TRAT1: variants seen among roughly 807,000 people sequenced by gnomAD.
The protein encoded by TRAT1 is T-cell receptor-associated transmembrane adapter 1.
Under a neutral mutation model 20.0 loss-of-function variants are expected in TRAT1, and 20 were observed. That is an observed-to-expected ratio of 1.00 (90% CI 0.70 to 1.45). The LOEUF (loss-of-function observed/expected upper bound fraction) is 1.45, where lower values mean the gene tolerates loss of function less well. Among genes scored for constraint, TRAT1 ranks in the 40% most tolerant of loss-of-function variants. TRAT1 has a pLI of 0.00. For missense variants in TRAT1, 237 were observed against 224.1 expected (o/e 1.06, Z -0.37); for synonymous variants, 77 against 74.2 (o/e 1.04, Z -0.20).
chr3:108,841,751 T>C (rs1576522422), intron 3 of TRAT1, among the ~76,000 whole-genome samples: 1 of 152,126 alleles, frequency 6.6e-6, no homozygotes, highest in East Asian at 1.9e-4. Flanking sequence ...AGCACCTAAA[T>C]CAAGCAGAAA....
intron 2 of TRAT1, among the ~76,000 whole-genome samples, chr3:108,836,455 C>T (rs1304386723): frequency 1.3e-5 from 2 of 151,992 alleles, no homozygotes; most frequent in Non-Finnish European, 2.9e-5. Context: ...CAGCTGGTGA[C>T]TATCCTTTTG....
intron 3 of TRAT1, among the ~76,000 whole-genome samples, chr3:108,845,256 G>A (rs1457928692): frequency 6.6e-6 from 1 of 152,116 alleles, no homozygotes; most frequent in African/African-American, 2.4e-5. Flanking sequence ...CATTTGAGAT[G>A]GGCCTGTAGA....
chr3:108,844,924 T>C (rs919648850), intron 3 of TRAT1, among the ~76,000 whole-genome samples: 5 of 150,222 alleles, frequency 3.3e-5, no homozygotes, highest in African/African-American at 1.2e-4. Flanking sequence ...GTAATAGATA[T>C]AATTAATATA....
In TRAT1 at chr3:108,838,969, T is replaced by C; in HGVS notation, c.152+2T>C. On this transcript the variant is annotated splice_donor_variant, in intron 3 of 5. Transcript: ENST00000295756. LOFTEE classifies it high-confidence loss of function. ...CAGCTACTCCAGTGACCACACCAGG[T>C]ATGTTGTGATTCAGTCATGGATCAT... 6.2e-7 allele frequency: 1 copy of C among 1,603,176 alleles called. No individual in the cohort carries two copies.
intron 1 of TRAT1, among the ~76,000 whole-genome samples, chr3:108,827,463 T>C (rs1945752286): frequency 6.6e-6 from 1 of 151,342 alleles, no homozygotes; most frequent in African/African-American, 2.4e-5. Flanking sequence ...ATTTCCATCA[T>C]TATCTACTTA....
chr3:108,846,944 TG>T, intron 3 of TRAT1, 123 bp from the exon 4 acceptor site: 1 of 661,174 alleles, frequency 1.5e-6, no homozygotes, highest in Admixed American at 2.8e-5. Context: ...ACACCTACCG[TG>T]GTTGGCTGGG....
chr3:108,829,229 C>T (rs1182623736), intron 1 of TRAT1, among the ~76,000 whole-genome samples: 1 of 152,088 alleles, frequency 6.6e-6, no homozygotes, highest in African/African-American at 2.4e-5. Context: ...CTGTTCTATA[C>T]TATATTATGT....
Position 108,853,930 on chromosome 3 carries a change from G to A in TRAT1, c.*53G>A, listed in dbSNP as rs867959361. 5.7e-6 allele frequency: 9 copies of A among 1,572,094 alleles called. No homozygotes were observed. The highest frequency in any genetic ancestry group is 7.0e-6 in the Non-Finnish European group (8 of 1,149,032). On this transcript the variant is annotated 3_prime_UTR_variant, in exon 6 of 6. Coordinates refer to ENST00000295756, the MANE Select transcript of TRAT1 (RefSeq NM_016388.4). ...GGCTCCTATTGAAGATGGCTTCTAA[G>A]AAAACAAGATGCACAGAGGACACAG... is the stretch of plus-strand genomic sequence containing the variant.
At chr3:108,844,808 C>G (rs1464586949) in intron 3 of TRAT1, among the ~76,000 whole-genome samples, 1 of 126,738 alleles carries the variant, frequency 7.9e-6, no homozygotes, top group Non-Finnish European at 1.6e-5. Flanking sequence ...TGCGCCACTG[C>G]ACTCCAGCCT....
chr3:108,839,966 A>T (rs1346473330), intron 3 of TRAT1, among the ~76,000 whole-genome samples: 1 of 152,162 alleles, frequency 6.6e-6, no homozygotes, highest in African/African-American at 2.4e-5. Context: ...GGTAAAAAAA[A>T]AAATCTAAAT....
chr3:108,849,314 A>G, intron 5 of TRAT1, 60 bp downstream of exon 5: 1 of 1,381,786 alleles, frequency 7.2e-7, no homozygotes, highest in Non-Finnish European at 1.0e-6. Flanking sequence ...GTAGTACATT[A>G]TGATACACAT....
intron 3 of TRAT1, among the ~76,000 whole-genome samples, chr3:108,842,815 T>G (rs968638007): frequency 6.6e-6 from 1 of 152,200 alleles, no homozygotes; most frequent in Non-Finnish European, 1.5e-5. Context: ...GTGAGCTCAT[T>G]GTGCTTAACA....
At chr3:108,832,002 G>A (rs576846856) in intron 2 of TRAT1, among the ~76,000 whole-genome samples, 1 of 152,228 alleles carries the variant, frequency 6.6e-6, no homozygotes, top group South Asian at 2.1e-4. Flanking sequence ...AAATGTCATA[G>A]AGCTAATTTA....
At position 108,850,579 on chromosome 3, in the gene TRAT1, C is replaced by G. The variant is rs562880958; in HGVS notation, c.303+1325C>G. ...TCGGCCTCCCAAAGTGCTGGGATTA[C>G]AGGCATGAGCCATCGTGCCCAGCTG... On this transcript the variant is annotated intron_variant, in intron 5 of 5. Transcript: ENST00000295756. Among the ~76,000 whole-genome samples the G allele has an allele frequency of 6.6e-5, 10 of 152,274 alleles. No individual in the cohort carries two copies. In the East Asian group the frequency reaches 1.7e-3, roughly 26 times the overall value.
At chr3:108,832,937 A>G (rs911885113) in intron 2 of TRAT1, among the ~76,000 whole-genome samples, 2 of 152,194 alleles carry the variant, frequency 1.3e-5, no homozygotes, top group African/African-American at 4.8e-5. Context: ...TCTGCCCCAG[A>G]AGTATTCAGC....
At chr3:108,828,880 T>C (rs1020827616) in intron 1 of TRAT1, among the ~76,000 whole-genome samples, 1 of 140,232 alleles carries the variant, frequency 7.1e-6, no homozygotes, top group Non-Finnish European at 1.6e-5. Context: ...TTTGAAAACA[T>C]AACTGGGACA....
intron 5 of TRAT1, among the ~76,000 whole-genome samples, chr3:108,852,211 T>C (rs1175405137): frequency 1.3e-5 from 2 of 152,062 alleles, no homozygotes; most frequent in Admixed American, 1.3e-4. Flanking sequence ...CGAAACTCCG[T>C]CTCTACTAAA....
chr3:108,852,317 G>A (rs987574040), intron 5 of TRAT1, among the ~76,000 whole-genome samples: 2 of 151,972 alleles, frequency 1.3e-5, no homozygotes, highest in Non-Finnish European at 2.9e-5. Context: ...GGAGGCAGAG[G>A]TTGCAGTGAG....
In TRAT1 at chr3:108,822,829, T is replaced by C; in HGVS notation, c.-99T>C. ...TTTTACTGTCATGCTGCTTTTAACA[T>C]AACAGAGCAACATCACCTAGGAAAA... is the stretch of plus-strand genomic sequence containing the variant. On this transcript the variant is annotated 5_prime_UTR_variant, in exon 1 of 6. It removes the in-frame stop codon of an upstream open reading frame in the 5' UTR. Transcript: ENST00000295756. 6 of 994,514 alleles carry C rather than the reference T, an allele frequency of 6.0e-6. No individual in the cohort carries two copies. Among genetic ancestry groups the C allele is most frequent in the Non-Finnish European group, 9.5e-6 (6 of 630,876 alleles). The allele number at this position is 994,514 out of a possible 1,614,324, so 61.6% of individuals were successfully genotyped here.
Sources: allele counts gnomAD v4.1 joint callset (sites outside exome capture counted in the v4.1 genomes callset), GRCh38; gene constraint gnomAD v4.1.1; transcripts MANE v1.5; gene names NCBI Gene and HGNC (gene_info 2026-07-23, HGNC 2026-07-21).